Variants in CSPG4 observed in about 807,000 individuals in gnomAD.
CSPG4 encodes the protein chondroitin sulfate proteoglycan 4, also known as chondroitin sulfate proteoglycan 4 (melanoma-associated).
In CSPG4, 74 loss-of-function variants were observed where a neutral mutation model predicts 139.3. That is an observed-to-expected ratio of 0.53 (90% CI 0.44 to 0.64). The LOEUF is 0.64. CSPG4 is among the 30% of genes least tolerant of loss of function. The probability of loss-of-function intolerance (pLI) is 0.00; values close to 1 mark genes in which losing one functional copy is unlikely to be tolerated. For synonymous variants in CSPG4, 1,234 were observed against 1,394.2 expected (o/e 0.89, Z 2.56); for missense variants, 2,565 against 3,148.3 (o/e 0.81, Z 4.43).
Position 75,677,787 on chromosome 15 carries a change from G to C in CSPG4, c.5050C>G (p.Arg1684Gly), listed in dbSNP as rs147939771. The change falls in exon 9 of 10, where the codon CGG becomes GGG. Residue 1684 changes from arginine (R) to glycine (G), a missense_variant. Around this residue, in one of 5 missense-constraint regions of CSPG4, gnomAD observed 2,316 missense variants for 2,818.2 expected, o/e 0.82. Transcript: ENST00000308508. ...LELQLSSPPA[R>G]DVAATLAVAV... ...ACAGCAAGGGTGGCGGCCACGTCCC[G>C]GGCAGGCGGCGAGGACAGCTGGAGC... The C allele has an allele frequency of 6.2e-7, 1 of 1,611,904 alleles. No homozygotes were observed.
intron 1 of CSPG4, among the ~76,000 whole-genome samples, chr15:75,702,484 C>T (rs556083505): frequency 2.9e-4 from 44 of 152,388 alleles, no homozygotes; most frequent in African/African-American, 9.9e-4. Flanking sequence ...GGGGACAAGA[C>T]TGACCTTGCT....
At position 75,677,361 on chromosome 15, in the gene CSPG4, G is replaced by T; in HGVS notation, c.5158C>A (p.Arg1720=). The change falls in exon 10 of 10, where the codon CGG becomes AGG. Residue 1720 remains arginine (R), a synonymous_variant. Coordinates refer to ENST00000308508, the MANE Select transcript of CSPG4 (RefSeq NM_001897.5). ...NKGLWVPEGQ[R]ARITVAALDA... ...AGAGCAGCCACGGTGATCCTGGCCCGCTGGCCCTCGGGGACCCAGAGACCT... is the reference window on the plus strand; with the variant it reads ...AGAGCAGCCACGGTGATCCTGGCCCTCTGGCCCTCGGGGACCCAGAGACCT... The T allele has an allele frequency of 7.1e-7, 1 of 1,399,362 alleles. No individual in the cohort carries two copies. The allele number at this position is 1,399,362 out of a possible 1,614,324, so 86.7% of individuals were successfully genotyped here. A position where few individuals can be genotyped will look rare whatever the true frequency, so the allele number is the denominator to read the frequency against.
In CSPG4 at chr15:75,711,434, C is replaced by T. The variant is rs1435820185; in HGVS notation, c.88+1234G>A. On this transcript the variant is annotated intron_variant, in intron 1 of 9. Transcript: ENST00000308508. The stretch of plus-strand genomic sequence containing the variant: ...GGAGGCTGGGGCCTGAATGAGCTGA[C>T]CACCCTGGTCACCTTGGATGCTCCC... Among the ~76,000 whole-genome samples the T allele has an allele frequency of 2.0e-5, 3 of 151,732 alleles. No individual in the cohort carries two copies. In the East Asian group the frequency reaches 5.8e-4, roughly 29 times the overall value.
chr15:75,708,198 CGCAT>C (rs145730883), intron 1 of CSPG4, among the ~76,000 whole-genome samples: 63,913 of 100,186 alleles, frequency 0.64, 20,686 homozygotes, highest in African/African-American at 0.68. Flanking sequence ...GCCTGGCTAA[CGCAT>C]GCATGCCAGG....
At position 75,687,621 on chromosome 15, in the gene CSPG4, G is replaced by A. The variant is rs753265519; in HGVS notation, c.3444C>T (p.Ala1148=). Residue 1148 remains alanine (A), a synonymous_variant, in exon 3 of 10, where the codon GCC becomes GCT. Coordinates refer to ENST00000308508, the MANE Select transcript of CSPG4 (RefSeq NM_001897.5). The surrounding 1 kb of genome is among the most constrained non-coding windows in gnomAD (Gnocchi z 5.4). ...PQGGQGTIDT[A]VLHLDTNLDI... ...CGAGGTTGGTGTCCAGGTGGAGCAC[G>A]GCCGTGTCGATGGTGCCCTGGCCTC... 97 of 1,612,028 alleles carry A rather than the reference G, an allele frequency of 6.0e-5. No homozygotes were observed. The highest frequency in any genetic ancestry group is 3.3e-4 in the Middle Eastern group (2 of 6,070).
In CSPG4 at chr15:75,684,893, C is replaced by A. The variant is rs775055089; in HGVS notation, c.4292G>T (p.Arg1431Leu). The A allele has an allele frequency of 6.2e-7, 1 of 1,610,088 alleles. No individual in the cohort carries two copies. Among genetic ancestry groups the A allele is most frequent in the Non-Finnish European group, 8.5e-7 (1 of 1,177,090 alleles). Residue 1431 changes from arginine to leucine, a missense_variant, in exon 5 of 10, where the codon CGC (arginine) becomes CTC (leucine). By Grantham distance (102) the Arg-to-Leu change is moderately radical (BLOSUM62 -2). This residue lies in a region of CSPG4 where 2,316 missense variants were observed against 2,818.2 expected (regional missense o/e 0.82). Transcript: ENST00000308508. ...TGTCTCGCTCCCGTCATGCACGTAG[C>A]GGATCAGCTGCTCTTCCACCTAGGG... ...SWRMVEEQLI[R>L]YVHDGSETLT... is the part of the protein sequence containing the mutation.
intron 1 of CSPG4, among the ~76,000 whole-genome samples, chr15:75,710,732 C>T (rs947650202): frequency 8.5e-5 from 13 of 152,250 alleles, no homozygotes; most frequent in African/African-American, 2.4e-4. Flanking sequence ...GTGGGAGGGA[C>T]GCCTTCCTCA....
At position 75,675,558 on chromosome 15, in the gene CSPG4, A is replaced by G; in HGVS notation, c.6961T>C (p.Trp2321Arg). ...TGGGCCCAGGCCAGGCCTCACACCC[A>G]GTACTGGCCATTCTTAAGGGCAGGG... ...PNPALKNGQY[W>R]V Residue 2321 changes from tryptophan (W) to arginine (R), a missense_variant, in exon 10 of 10, where the codon TGG becomes CGG. Trp to Arg is a moderately radical substitution (Grantham distance 101, BLOSUM62 -3). This residue lies in a region of CSPG4 where 2,316 missense variants were observed against 2,818.2 expected (regional missense o/e 0.82). Coordinates refer to ENST00000308508, the MANE Select transcript of CSPG4 (RefSeq NM_001897.5). 6.7e-7 allele frequency: 1 copy of G among 1,500,056 alleles called. No homozygotes were observed. Among genetic ancestry groups the G allele is most frequent in the South Asian group, 1.4e-5 (1 of 72,216 alleles). 92.9% of individuals were successfully genotyped at this position (1,500,056 alleles called of 1,614,324 possible).
chr15:75,675,428 G>T lies in CSPG4; in HGVS notation c.*122C>A. On this transcript the variant is annotated 3_prime_UTR_variant, in exon 10 of 10. Coordinates refer to ENST00000308508, the MANE Select transcript of CSPG4 (RefSeq NM_001897.5). Reference sequence around the variant, plus strand: ...CTATCTCCCAGGACCCTCCACCCCTGGTGTCTCCAGGTCTCTCTTGCTCTG... The same window carrying T: ...CTATCTCCCAGGACCCTCCACCCCTTGTGTCTCCAGGTCTCTCTTGCTCTG... 9.0e-7 allele frequency: 1 copy of T among 1,109,248 alleles called. No individual in the cohort carries two copies. The highest frequency in any genetic ancestry group is 1.2e-6 in the Non-Finnish European group (1 of 845,930). 68.7% of individuals were successfully genotyped at this position (1,109,248 alleles called of 1,614,324 possible).
rs760817564 is a variant in CSPG4 at position 75,677,781 on chromosome 15, C to T, written c.5056G>A (p.Val1686Met). 4.7e-5 allele frequency: 75 copies of T among 1,611,008 alleles called. No individual in the cohort carries two copies. The highest frequency in any genetic ancestry group is 5.4e-5 in the African/African-American group (4 of 74,694). Reference protein sequence around the residue: ...LQLSSPPARDVAATLAVAVSF... With the variant: ...LQLSSPPARDMAATLAVAVSF... The stretch of plus-strand genomic sequence containing the variant: ...ACAGCCACAGCAAGGGTGGCGGCCA[C>T]GTCCCGGGCAGGCGGCGAGGACAGC... The change falls in exon 9 of 10, where the codon GTG becomes ATG. Residue 1686 changes from valine (V) to methionine (M), a missense_variant. This residue lies in a region of CSPG4 where 2,316 missense variants were observed against 2,818.2 expected (regional missense o/e 0.82). Transcript: ENST00000308508.
At position 75,689,269 on chromosome 15, in the gene CSPG4, G is replaced by A. The variant is rs756035529; in HGVS notation, c.1796C>T (p.Ser599Phe). 2 of 1,610,656 alleles carry A rather than the reference G, an allele frequency of 1.2e-6. No individual in the cohort carries two copies. The highest frequency in any genetic ancestry group is 2.7e-5 in the African/African-American group (2 of 74,878). The part of the protein sequence containing the change: ...GLTFQVLGTS[S>F]GLPVERRDQP... Reference sequence around the variant, plus strand: ...GTCTCGGCGCTCCACGGGGAGGCCAGAGGAGGTGCCAAGGACCTGGAAGGT... The same window carrying A: ...GTCTCGGCGCTCCACGGGGAGGCCAAAGGAGGTGCCAAGGACCTGGAAGGT... Residue 599 changes from serine to phenylalanine, a missense_variant, in exon 3 of 10, where the codon TCT becomes TTT. Transcript: ENST00000308508.
At chr15:75,684,015 A>AC (rs1045438504) in intron 5 of CSPG4, among the ~76,000 whole-genome samples, 3 of 151,878 alleles carry the variant, frequency 2.0e-5, no homozygotes, top group African/African-American at 7.3e-5. Context: ...CACATCCTAG[A>AC]CCACCAAGGC....
chr15:75,675,846 C>G lies in CSPG4; in HGVS notation c.6673G>C (p.Val2225Leu). 1 of 1,611,374 alleles carries G rather than the reference C, an allele frequency of 6.2e-7. No homozygotes were observed. The highest frequency in any genetic ancestry group is 8.5e-7 in the Non-Finnish European group (1 of 1,180,012). Residue 2225 changes from valine to leucine, a missense_variant, in exon 10 of 10, where the codon GTC becomes CTC. Val to Leu is a conservative substitution (Grantham distance 32). Around this residue, in one of 5 missense-constraint regions of CSPG4, gnomAD observed 2,316 missense variants for 2,818.2 expected, o/e 0.82. Transcript: ENST00000308508. The stretch of plus-strand genomic sequence containing the variant: ...AGTACCAGGCACATGGGGATGATGA[C>G]GCTGAACATGTTGGCCTCAAGGAAG... ...LSFLEANMFS[V>L]IIPMCLVLLL... is the part of the protein sequence containing the mutation.
intron 1 of CSPG4, among the ~76,000 whole-genome samples, chr15:75,693,939 T>C (rs1894195526): frequency 6.6e-6 from 1 of 152,234 alleles, no homozygotes; most frequent in Non-Finnish European, 1.5e-5. Flanking sequence ...ATGGGGACCA[T>C]GTGCAGTGTC....
At position 75,712,831 on chromosome 15, in the gene CSPG4, G is replaced by GA; in HGVS notation, c.-77_-76insT. 17 of 1,307,594 alleles carry GA rather than the reference G, an allele frequency of 1.3e-5. No homozygotes were observed. Among genetic ancestry groups the GA allele is most frequent in the Non-Finnish European group, 1.7e-5 (17 of 981,008 alleles). The allele number at this position is 1,307,594 out of a possible 1,614,324, so 81.0% of individuals were successfully genotyped here. A position where few individuals can be genotyped will look rare whatever the true frequency, so the allele number is the denominator to read the frequency against. ...GCTGGGAGCTGAGTGGAGCGAGCGC[G>GA]GCTCTGCTCCTGGGCGCGGGCCGGC... On this transcript the variant is annotated 5_prime_UTR_variant, in exon 1 of 10. Coordinates refer to ENST00000308508, the MANE Select transcript of CSPG4 (RefSeq NM_001897.5).
intron 8 of CSPG4, chr15:75,678,570 T>C (rs1217228412): frequency 2.2e-6 from 1 of 448,192 alleles, no homozygotes. Flanking sequence ...CCCAGGCTGG[T>C]CTTGAACTTC....
rs1894027649 is a variant in CSPG4 at position 75,684,721 on chromosome 15, C to T, written c.4449+15G>A. The T allele has an allele frequency of 6.2e-7, 1 of 1,606,502 alleles. No individual in the cohort carries two copies. The highest frequency in any genetic ancestry group is 8.5e-7 in the Non-Finnish European group (1 of 1,174,036). On this transcript the variant is annotated intron_variant, in intron 5 of 9. Coordinates refer to ENST00000308508, the MANE Select transcript of CSPG4 (RefSeq NM_001897.5). ...CTCGAAGCAGACATGGGGGTGTTCC[C>T]AGGGATGCTCTCACCTGCAGGCCTG...
At position 75,674,421 on chromosome 15, in the gene CSPG4, G is replaced by A. The variant is rs1443220535; in HGVS notation, c.*1129C>T. 4.1e-5 allele frequency: 13 copies of A among 320,240 alleles called. No individual in the cohort carries two copies. The highest frequency in any genetic ancestry group is 1.8e-4 in the East Asian group (4 of 21,714). The allele number at this position is 320,240 out of a possible 1,614,324, so 19.8% of individuals were successfully genotyped here. On this transcript the variant is annotated 3_prime_UTR_variant, in exon 10 of 10. Coordinates refer to ENST00000308508, the MANE Select transcript of CSPG4 (RefSeq NM_001897.5). The stretch of plus-strand genomic sequence containing the variant: ...CTGAAGGGGTTTGGTCCCATCACCC[G>A]AAGACTGGCCCACCTGCCCACACAG...
intron 1 of CSPG4, among the ~76,000 whole-genome samples, chr15:75,706,783 G>C (rs1299968612): frequency 6.6e-6 from 1 of 152,040 alleles, no homozygotes; most frequent in Admixed American, 6.6e-5. Context: ...CCAGTCCGTG[G>C]GACACAGGAT....
Sources: allele counts gnomAD v4.1 joint callset (sites outside exome capture counted in the v4.1 genomes callset), GRCh38; gene constraint gnomAD v4.1.1; regional missense constraint gnomAD v4.1.1; non-coding constraint Gnocchi (gnomAD v3.1); transcripts MANE v1.5; gene names NCBI Gene and HGNC (gene_info 2026-07-23, HGNC 2026-07-21).